Variants in DYNLT2 observed in about 807,000 individuals in gnomAD.
The protein encoded by DYNLT2 is dynein light chain Tctex-type 2, also known as dynein light chain Tctex-type protein 2.
DYNLT2 carries 24 observed loss-of-function variants against 24.3 expected under a neutral mutation model. The observed-to-expected ratio is 0.99, with a 90% confidence interval of 0.71 to 1.39. The LOEUF is 1.39. DYNLT2 is among the 40% of genes most tolerant of loss of function. DYNLT2 has a pLI of 0.00. For synonymous variants in DYNLT2, 85 were observed against 85.4 expected (o/e 1.00, Z 0.03); for missense variants, 246 against 234.5 (o/e 1.05, Z -0.32).
chr6:169,747,415 T>TA (rs202174051), intron 1 of DYNLT2, among the ~76,000 whole-genome samples: 1 of 101,806 alleles, frequency 9.8e-6, no homozygotes, highest in Admixed American at 1.1e-4. Flanking sequence ...CTCTCTCACC[T>TA]CTTTGGGGAC....
chr6:169,731,766 A>G, the DYNLT2 span, among the ~76,000 whole-genome samples: 1 of 152,236 alleles, frequency 6.6e-6, no homozygotes, highest in Non-Finnish European at 1.5e-5. Flanking sequence ...GCCACTTCAA[A>G]AAATTAAAAT....
chr6:169,742,290 A>G (rs7767980), intron 3 of DYNLT2, among the ~76,000 whole-genome samples: 84,566 of 152,078 alleles, frequency 0.56, 27,556 homozygotes, highest in East Asian at 0.98. Flanking sequence ...AAACTGTGCC[A>G]AGGCCACAGC....
At chr6:169,735,288 ATTC>A (rs770069108), downstream of DYNLT2, among the ~76,000 whole-genome samples, 1 of 150,956 alleles carries the variant, frequency 6.6e-6, no homozygotes, top group Non-Finnish European at 1.5e-5. Context: ...GTCTCCTTCA[ATTC>A]TTCTCTGATG....
the DYNLT2 span, chr6:169,725,628 T>G: frequency 3.6e-6 from 1 of 275,172 alleles, no homozygotes. Flanking sequence ...GGGTAGAGTT[T>G]AGCGGTTTTT....
At chr6:169,737,588 A>G (rs1266026249), downstream of DYNLT2, among the ~76,000 whole-genome samples, 1 of 151,796 alleles carries the variant, frequency 6.6e-6, no homozygotes, top group East Asian at 1.9e-4. Flanking sequence ...GGGCTGCTGC[A>G]GTTTGCTGGG....
chr6:169,743,617 T>G (rs1306617945), intron 2 of DYNLT2, among the ~76,000 whole-genome samples: 1 of 152,114 alleles, frequency 6.6e-6, no homozygotes, highest in African/African-American at 2.4e-5. Context: ...AAATTCAGAT[T>G]TTGGTTTTCT....
chr6:169,744,358 C>G, intron 1 of DYNLT2, 84 bp from the exon 2 acceptor site: 1 of 1,168,096 alleles, frequency 8.6e-7, no homozygotes, highest in Middle Eastern at 2.3e-4. Context: ...TTAAATAAGC[C>G]TGTACAGTGG....
intron 3 of DYNLT2, 57 bp downstream of exon 3, chr6:169,743,023 A>G (rs1789712276): frequency 2.3e-6 from 3 of 1,328,930 alleles, no homozygotes; most frequent in African/African-American, 1.5e-5. Flanking sequence ...TCAAATCACT[A>G]GGGAGGAGAT....
At chr6:169,736,993 T>G (rs191008724), downstream of DYNLT2, among the ~76,000 whole-genome samples, 7 of 152,352 alleles carry the variant, frequency 4.6e-5, no homozygotes, top group Non-Finnish European at 1.0e-4. Context: ...CCCATATTTC[T>G]TGGAGGCTTT....
At chr6:169,733,923 G>A in the DYNLT2 span, among the ~76,000 whole-genome samples, 1 of 152,186 alleles carries the variant, frequency 6.6e-6, no homozygotes. Context: ...CCTGAGGATG[G>A]AATGTTTTCC....
At chr6:169,742,889 G>A (rs549457600) in intron 3 of DYNLT2, among the ~76,000 whole-genome samples, 191 bp downstream of exon 3, 1 of 152,266 alleles carries the variant, frequency 6.6e-6, no homozygotes, top group Non-Finnish European at 1.5e-5. Context: ...ATGAGCCAAC[G>A]AACCCAGCTG....
downstream of DYNLT2, among the ~76,000 whole-genome samples, chr6:169,735,992 G>A (rs1045498466): frequency 2.6e-5 from 4 of 152,192 alleles, no homozygotes; most frequent in Non-Finnish European, 5.9e-5. Flanking sequence ...TATATATTCA[G>A]AATAGTTAGC....
At chr6:169,743,649 T>A (rs1016472046) in intron 2 of DYNLT2, among the ~76,000 whole-genome samples, 2 of 152,194 alleles carry the variant, frequency 1.3e-5, no homozygotes, top group Non-Finnish European at 2.9e-5. Context: ...TTACTTGGAC[T>A]CAGAACCTGT....
In DYNLT2 at chr6:169,740,743, C is replaced by T. The variant is rs140103961; in HGVS notation, c.487-448G>A. Among the ~76,000 whole-genome samples, 783 of 152,110 alleles carry T rather than the reference C, an allele frequency of 5.1e-3. 3 individuals carry two copies. Among genetic ancestry groups the T allele is most frequent in the Non-Finnish European group, 8.9e-3 (602 of 67,994 alleles). On this transcript the variant is annotated intron_variant, in intron 3 of 3. Transcript: ENST00000366774. ...TACGGACAATTCTAACTCCTTTTCT[C>T]TGTGTACAAACCCATATGTGATCTG...
chr6:169,731,297 A>G, the DYNLT2 span, among the ~76,000 whole-genome samples: 2 of 152,220 alleles, frequency 1.3e-5, no homozygotes, highest in Admixed American at 1.3e-4. Context: ...TGGACAATCT[A>G]GAACCTTAAG....
chr6:169,751,308 G>A, intron 1 of DYNLT2, 31 bp downstream of exon 1: 2 of 1,603,408 alleles, frequency 1.2e-6, no homozygotes, highest in South Asian at 1.1e-5. Context: ...GGACATAGCC[G>A]TCTCGGGCCC....
At chr6:169,739,834 G>A (rs1789636630), downstream of DYNLT2, among the ~76,000 whole-genome samples, 1 of 152,030 alleles carries the variant, frequency 6.6e-6, no homozygotes, top group Admixed American at 6.6e-5. Flanking sequence ...TACTTTACAA[G>A]GTTGCATTTT....
At chr6:169,748,438 A>C (rs564336306) in intron 1 of DYNLT2, among the ~76,000 whole-genome samples, 2 of 152,166 alleles carry the variant, frequency 1.3e-5, no homozygotes, top group South Asian at 4.1e-4. Flanking sequence ...CTGACACCTA[A>C]ATCAATGGAA....
chr6:169,746,352 T>C (rs548750239), intron 1 of DYNLT2, among the ~76,000 whole-genome samples: 24 of 152,288 alleles, frequency 1.6e-4, no homozygotes, highest in African/African-American at 5.3e-4. Flanking sequence ...TTTTCTAATA[T>C]ATGCACACAT....
Sources: gnomAD v4.1 joint callset for allele counts (sites outside exome capture counted in the v4.1 genomes callset) on GRCh38, gnomAD v4.1.1 for gene constraint, MANE v1.5 for transcripts, NCBI Gene and HGNC (gene_info 2026-07-23, HGNC 2026-07-21) for gene names.